Variants in TMTC1 observed in about 807,000 individuals in gnomAD.
The protein encoded by TMTC1 is protein O-mannosyl-transferase TMTC1.
TMTC1 carries 73 observed loss-of-function variants against 104.8 expected under a neutral mutation model. That is an observed-to-expected ratio of 0.70 (90% CI 0.58 to 0.85). TMTC1 has a LOEUF of 0.85. TMTC1 is among the 40% of genes least tolerant of loss of function. The probability of loss-of-function intolerance (pLI) is 0.00; values close to 1 mark genes in which losing one functional copy is unlikely to be tolerated. For synonymous variants in TMTC1, 434 were observed against 428.7 expected, an observed-to-expected ratio of 1.01 and a Z score of -0.15; for missense variants, 1,035 against 1,096.1, an observed-to-expected ratio of 0.94 and a Z score of 0.79.
chr12:29,505,236 G>A lies in TMTC1; in HGVS notation c.*1610C>T, dbSNP rs1389175150. The A allele has an allele frequency of 6.6e-6, 1 of 152,196 alleles. No homozygotes were observed. The highest frequency in any genetic ancestry group is 6.5e-5 in the Admixed American group (1 of 15,268). 9.4% of individuals were successfully genotyped at this position (152,196 alleles called of 1,614,324 possible). A position where few individuals can be genotyped will look rare whatever the true frequency, so the allele number is the denominator to read the frequency against. On this transcript the variant is annotated 3_prime_UTR_variant, in exon 18 of 18. Transcript: ENST00000539277. The stretch of plus-strand genomic sequence containing the variant: ...TGATACTGGGTTGAAAGAAGCAGAA[G>A]GCTATTTTTACCCTGCCCTGGCCTG...
chr12:29,575,673 G>A (rs114266225), intron 8 of TMTC1, among the ~76,000 whole-genome samples: 2,466 of 152,258 alleles, frequency 0.016, 71 homozygotes, highest in African/African-American at 0.057. Context: ...ACTTACAGCT[G>A]CTTCAGAGAT....
chr12:29,643,841 ATATATT>A (rs1939092243), intron 5 of TMTC1, among the ~76,000 whole-genome samples: 1 of 78,908 alleles, frequency 1.3e-5, no homozygotes. Flanking sequence ...ATATATATTT[ATATATT>A]TATATATATT....
At chr12:29,587,045 G>C (rs1946155979) in intron 7 of TMTC1, among the ~76,000 whole-genome samples, 1 of 152,100 alleles carries the variant, frequency 6.6e-6, no homozygotes, top group South Asian at 2.1e-4. Context: ...GTAGAATTCG[G>C]CTGTGAATCC....
At position 29,748,173 on chromosome 12, in the gene TMTC1, G is replaced by A. The variant is rs573904760; in HGVS notation, c.938+3493C>T. ...AAATACATTAACTTAGTGAGAATCC[G>A]GCCCAATTCCAGCTGTGCTATCTGC... On this transcript the variant is annotated intron_variant, in intron 5 of 17. Coordinates refer to ENST00000539277, the MANE Select transcript of TMTC1 (RefSeq NM_001193451.2). Among the ~76,000 whole-genome samples the A allele has an allele frequency of 3.0e-4, 45 of 152,164 alleles. No individual in the cohort carries two copies. In the South Asian group the frequency reaches 7.9e-3, roughly 27 times the overall value.
chr12:29,547,498 C>T (rs755115555), intron 10 of TMTC1, among the ~76,000 whole-genome samples: 3 of 152,176 alleles, frequency 2.0e-5, no homozygotes, highest in Non-Finnish European at 4.4e-5. Flanking sequence ...TAGACATTCT[C>T]GTTATTTCCC....
At chr12:29,637,355 CT>C (rs1187006389) in intron 5 of TMTC1, among the ~76,000 whole-genome samples, 5 of 152,228 alleles carry the variant, frequency 3.3e-5, no homozygotes, top group Non-Finnish European at 7.4e-5. Context: ...GCTGTGTTAT[CT>C]TTTTTAAAGC....
At chr12:29,509,247 A>G (rs989040326) in intron 17 of TMTC1, among the ~76,000 whole-genome samples, 29 of 152,322 alleles carry the variant, frequency 1.9e-4, no homozygotes, top group African/African-American at 6.7e-4. Context: ...TGGTTGATGC[A>G]ACTCTTTGAT....
chr12:29,642,042 G>GA (rs1274196232), intron 5 of TMTC1, among the ~76,000 whole-genome samples: 1 of 151,940 alleles, frequency 6.6e-6, no homozygotes. Context: ...CAAAGACAAA[G>GA]AAAAAAGAAT....
At position 29,535,144 on chromosome 12, in the gene TMTC1, G is replaced by A. The variant is rs529516987; in HGVS notation, c.1785+1065C>T. ...GGGCTTATGAAAAGGAAGGGTCCAG[G>A]GTGAGGTGAGATGAAGCAACACTGA... On this transcript the variant is annotated intron_variant, in intron 11 of 17. Coordinates refer to ENST00000539277, the MANE Select transcript of TMTC1 (RefSeq NM_001193451.2). 4 of 152,480 alleles carry A rather than the reference G, an allele frequency of 2.6e-5. No homozygotes were observed. The East Asian group carries it at 5.8e-4, about 22-fold the overall frequency. 9.4% of individuals were successfully genotyped at this position (152,480 alleles called of 1,614,324 possible). A position where few individuals can be genotyped will look rare whatever the true frequency, so the allele number is the denominator to read the frequency against.
chr12:29,718,929 T>A (rs976741974), intron 5 of TMTC1, among the ~76,000 whole-genome samples: 5 of 99,906 alleles, frequency 5.0e-5, no homozygotes, highest in Non-Finnish European at 7.8e-5. Context: ...CGAGACTCCA[T>A]CTCAAAAAAA....
intron 6 of TMTC1, among the ~76,000 whole-genome samples, chr12:29,606,314 G>T (rs1025689942): frequency 6.6e-6 from 1 of 152,090 alleles, no homozygotes; most frequent in Non-Finnish European, 1.5e-5. Context: ...GAACTAATTT[G>T]CATTCCCACC....
At chr12:29,604,964 T>C (rs986303480) in intron 6 of TMTC1, among the ~76,000 whole-genome samples, 1 of 151,902 alleles carries the variant, frequency 6.6e-6, no homozygotes, top group African/African-American at 2.4e-5. Flanking sequence ...TATATCTTTA[T>C]TTGCAAAGAT....
chr12:29,742,791 T>C (rs1942860671), intron 5 of TMTC1, among the ~76,000 whole-genome samples: 1 of 152,220 alleles, frequency 6.6e-6, no homozygotes, highest in East Asian at 1.9e-4. Flanking sequence ...CTCTTAAACT[T>C]TGATGGACTG....
intron 6 of TMTC1, among the ~76,000 whole-genome samples, chr12:29,606,571 T>A (rs914084006): frequency 3.3e-5 from 5 of 152,220 alleles, no homozygotes; most frequent in African/African-American, 1.2e-4. Context: ...AAAATACTTT[T>A]TTACAAAATT....
chr12:29,514,661 T>C (rs1943933842), intron 15 of TMTC1, 57 bp from the exon 16 acceptor site: 55 of 1,549,068 alleles, frequency 3.6e-5, no homozygotes, highest in Middle Eastern at 1.7e-4. Context: ...GAAAAACTTA[T>C]TTAACTGATC....
At chr12:29,768,444 G>A (rs143865971) in intron 1 of TMTC1, among the ~76,000 whole-genome samples, 1 of 152,184 alleles carries the variant, frequency 6.6e-6, no homozygotes, top group African/African-American at 2.4e-5. Flanking sequence ...AGTGTTGAAA[G>A]GGAAGTCCAA....
At chr12:29,664,483 C>T (rs745323760) in intron 5 of TMTC1, among the ~76,000 whole-genome samples, 1 of 152,098 alleles carries the variant, frequency 6.6e-6, no homozygotes, top group Non-Finnish European at 1.5e-5. Context: ...TTCCCCTACC[C>T]ACACCAAAAA....
chr12:29,719,235 G>GGA, intron 5 of TMTC1, among the ~76,000 whole-genome samples: 1 of 152,234 alleles, frequency 6.6e-6, no homozygotes, highest in Non-Finnish European at 1.5e-5. Context: ...TTGGCATCTG[G>GGA]TTTTTATCTT....
intron 12 of TMTC1, 93 bp from the exon 13 acceptor site, chr12:29,518,700 C>T: frequency 6.7e-7 from 1 of 1,482,004 alleles, no homozygotes; most frequent in Non-Finnish European, 9.1e-7. Context: ...AATTCTTTCT[C>T]ATTATTACAG....
Sources: gnomAD v4.1 joint callset for allele counts (sites outside exome capture counted in the v4.1 genomes callset) on GRCh38, gnomAD v4.1.1 for gene constraint, MANE v1.5 for transcripts, NCBI Gene and HGNC (gene_info 2026-07-23, HGNC 2026-07-21) for gene names.